The following ZC3H12B variants were observed in gnomAD, a reference collection of about 807,000 sequenced individuals.
The protein encoded by ZC3H12B is probable ribonuclease ZC3H12B.
Under a neutral mutation model 43.9 loss-of-function variants are expected in ZC3H12B, and 7 were observed. The ratio of observed to expected loss-of-function variants is 0.16; its 90% CI spans 0.09 to 0.30. ZC3H12B has a LOEUF of 0.30. Among genes scored for constraint, ZC3H12B ranks in the 10% least tolerant of loss-of-function variants. The probability of loss-of-function intolerance (pLI) is 1.00; values close to 1 mark genes in which losing one functional copy is unlikely to be tolerated. For synonymous variants in ZC3H12B, 222 were observed against 241.7 expected (o/e 0.92, Z 0.76); for missense variants, 475 against 670.2 (o/e 0.71, Z 3.22).
the ZC3H12B span, among the ~76,000 whole-genome samples, chrX:65,249,451 G>A: frequency 8.9e-6 from 1 of 111,994 alleles, no homozygotes; most frequent in African/African-American, 3.2e-5. Flanking sequence ...TGCTGTTTTG[G>A]TGACTATGGC....
chrX:65,456,519 G>A (rs1446260236), intron 3 of ZC3H12B, among the ~76,000 whole-genome samples: 6 of 102,109 alleles, frequency 5.9e-5, no homozygotes, highest in African/African-American at 1.1e-4. Context: ...CTGCCATCTC[G>A]GCTCACTGCA....
the ZC3H12B span, among the ~76,000 whole-genome samples, chrX:65,169,019 G>A: frequency 9.0e-6 from 1 of 110,926 alleles, no homozygotes; most frequent in Non-Finnish European, 1.9e-5. Context: ...AGGGTTTTTT[G>A]TGTCTCTGTC....
chrX:65,110,292 G>C, the ZC3H12B span, among the ~76,000 whole-genome samples: 1 of 109,318 alleles, frequency 9.1e-6, no homozygotes, highest in African/African-American at 3.3e-5. Flanking sequence ...TTTTATATTT[G>C]ATAAAATTCA....
the ZC3H12B span, among the ~76,000 whole-genome samples, chrX:65,350,453 C>A: frequency 9.0e-6 from 1 of 111,677 alleles, no homozygotes; most frequent in African/African-American, 3.3e-5. Context: ...TCCTATTCAA[C>A]ACAGTATTTG....
chrX:65,387,913 T>G (rs778977150), intron 2 of ZC3H12B, among the ~76,000 whole-genome samples: 1 of 112,479 alleles, frequency 8.9e-6, no homozygotes, highest in Admixed American at 9.4e-5. Flanking sequence ...TTAGTTTGGC[T>G]GGATATGAAA....
chrX:65,187,815 C>A, the ZC3H12B span, among the ~76,000 whole-genome samples: 1 of 110,819 alleles, frequency 9.0e-6, no homozygotes, highest in Admixed American at 9.7e-5. Context: ...TATAAACCAT[C>A]TAATTATATT....
the ZC3H12B span, among the ~76,000 whole-genome samples, chrX:65,065,553 A>ATC: frequency 2.7e-5 from 3 of 110,876 alleles, no homozygotes; most frequent in Non-Finnish European, 5.7e-5. Context: ...AACCTGATTT[A>ATC]TCTCTCTCTC....
At chrX:65,203,234 C>G in the ZC3H12B span, among the ~76,000 whole-genome samples, 1 of 112,310 alleles carries the variant, frequency 8.9e-6, no homozygotes, top group Non-Finnish European at 1.9e-5. Context: ...TCTTCCACCT[C>G]TGGTACCTAA....
chrX:65,423,095 G>A (rs1364300132), intron 3 of ZC3H12B, among the ~76,000 whole-genome samples: 1 of 109,276 alleles, frequency 9.2e-6, no homozygotes, highest in Non-Finnish European at 1.9e-5. Flanking sequence ...ACCACACCCA[G>A]CTAATTTTTG....
At chrX:65,166,072 T>G in the ZC3H12B span, among the ~76,000 whole-genome samples, 1 of 111,498 alleles carries the variant, frequency 9.0e-6, no homozygotes, top group East Asian at 2.8e-4. Context: ...ATACTTTAAG[T>G]TCTAGGGTAC....
chrX:65,121,450 A>C, the ZC3H12B span, among the ~76,000 whole-genome samples: 9 of 111,743 alleles, frequency 8.1e-5, no homozygotes, highest in Non-Finnish European at 1.7e-4. Context: ...AGGTGTTTAT[A>C]GTATTCTCTG....
chrX:65,392,445 C>T lies in ZC3H12B; in HGVS notation n.296-6148C>T, dbSNP rs920087306. ...CAGTCTGAGAAGTGAGGAGCCCCTC[C>T]GCCCGGCAGCCGTCCCGTCTGGGAA... On this transcript the variant is annotated intron_variant and non_coding_transcript_variant, in intron 2 of 5. Transcript: ENST00000617377. 2.5e-4 allele frequency among the ~76,000 whole-genome samples: 27 copies of T among 108,504 alleles called. No individual in the cohort carries two copies. In the South Asian group the frequency reaches 3.6e-3, roughly 15 times the overall value. The allele number at this position is 108,504 out of a possible 115,157, so 94.2% of individuals were successfully genotyped here. A position where few individuals can be genotyped will look rare whatever the true frequency, so the allele number is the denominator to read the frequency against.
exon 5 of ZC3H12B, chrX:65,506,734 A>T (rs1159525843): frequency 9.1e-6 from 1 of 109,957 alleles, no homozygotes; most frequent in Non-Finnish European, 1.9e-5. Flanking sequence ...TTTCATTTTG[A>T]TCTAAAGGAG....
the ZC3H12B span, among the ~76,000 whole-genome samples, chrX:65,288,734 G>A: frequency 9.0e-6 from 1 of 111,464 alleles, no homozygotes; most frequent in African/African-American, 3.3e-5. Flanking sequence ...AGTACTAGAA[G>A]TCCTAGCTAG....
chrX:65,160,242 A>G, the ZC3H12B span, among the ~76,000 whole-genome samples: 25 of 111,440 alleles, frequency 2.2e-4, no homozygotes, highest in East Asian at 8.4e-4. Context: ...TTGTGTCTCT[A>G]CCCGGCTTTG....
At chrX:65,311,244 C>T in the ZC3H12B span, among the ~76,000 whole-genome samples, 3 of 111,232 alleles carry the variant, frequency 2.7e-5, no homozygotes, top group African/African-American at 9.8e-5. Context: ...TGCAATCCAC[C>T]CCTCTGACAA....
chrX:65,306,825 G>A, the ZC3H12B span, among the ~76,000 whole-genome samples: 1 of 112,274 alleles, frequency 8.9e-6, no homozygotes, highest in African/African-American at 3.2e-5. Flanking sequence ...TCCTTCAGTA[G>A]AATACCACTC....
At chrX:65,212,967 G>T in the ZC3H12B span, among the ~76,000 whole-genome samples, 238 of 106,978 alleles carry the variant, frequency 2.2e-3, 2 homozygotes, top group African/African-American at 5.5e-3. Context: ...TCATTGGTCT[G>T]TGTAATGCCA....
At chrX:65,137,439 G>A in the ZC3H12B span, among the ~76,000 whole-genome samples, 2 of 111,865 alleles carry the variant, frequency 1.8e-5, no homozygotes, top group Admixed American at 9.4e-5. Flanking sequence ...TGAATAGTTC[G>A]TTATGATGAA....
Sources: gnomAD v4.1 joint callset for allele counts (sites outside exome capture counted in the v4.1 genomes callset) on GRCh38, gnomAD v4.1.1 for gene constraint, MANE v1.5 for transcripts, NCBI Gene and HGNC (gene_info 2026-07-23, HGNC 2026-07-21) for gene names.